IDS: variants seen among roughly 807,000 people sequenced by gnomAD.
IDS encodes the protein alpha-L-iduronate sulfate sulfatase.
IDS carries 1 observed loss-of-function variant against 33.5 expected under a neutral mutation model. That is an observed-to-expected ratio of 0.03 (90% CI 0.01 to 0.14). The LOEUF is 0.14. IDS is among the 10% of genes least tolerant of loss of function. IDS has a pLI of 1.00. For missense variants in IDS, 328 were observed against 448.0 expected (o/e 0.73, Z 2.42); for synonymous variants, 191 against 184.4 (o/e 1.04, Z -0.29).
At chrX:149,492,432 C>T (rs782600810) in intron 6 of IDS, among the ~76,000 whole-genome samples, 12 of 111,200 alleles carry the variant, frequency 1.1e-4, no homozygotes, top group South Asian at 3.8e-4. Flanking sequence ...CTGCAGGGCA[C>T]GGAACAGTGT....
At chrX:149,490,974 G>A (rs782428508) in intron 6 of IDS, among the ~76,000 whole-genome samples, 6 of 111,858 alleles carry the variant, frequency 5.4e-5, no homozygotes, top group Non-Finnish European at 9.4e-5. Flanking sequence ...TATTGGATTA[G>A]GAGCCCACCT....
intron 3 of IDS, among the ~76,000 whole-genome samples, chrX:149,501,388 G>A (rs1473701552): frequency 1.8e-5 from 2 of 111,881 alleles, no homozygotes; most frequent in Admixed American, 9.5e-5. Flanking sequence ...GGCAGGAGAG[G>A]GAGGCTCAGG....
In IDS at chrX:149,483,097, T is replaced by A; in HGVS notation, c.1302A>T (p.Glu434Asp). 1.7e-6 allele frequency: 2 copies of A among 1,207,116 alleles called. No homozygotes were observed. The highest frequency in any genetic ancestry group is 2.2e-6 in the Non-Finnish European group (2 of 892,282). Residue 434 changes from glutamate to aspartate, a missense_variant, in exon 9 of 9, where the codon GAA (glutamate) becomes GAT (aspartate). Coordinates refer to ENST00000340855, the MANE Select transcript of IDS (RefSeq NM_000202.8). ...VPSFHVELCR[E>D]GKNLLKHFRF... ...GAAAATGCTTCAGAAGGTTCTTGCC[T>A]TCTCTGCACAGCTCAACGTGAAATG...
chrX:149,486,122 G>T (rs1441996110), intron 8 of IDS, among the ~76,000 whole-genome samples: 4 of 111,660 alleles, frequency 3.6e-5, no homozygotes, highest in African/African-American at 1.3e-4. Context: ...AAATGCACTG[G>T]GCAGATCAAG....
In IDS at chrX:149,505,293, G is replaced by A. The variant is rs782611412; in HGVS notation, c.-156C>T. On this transcript the variant is annotated 5_prime_UTR_variant, in exon 1 of 9. Transcript: ENST00000340855. Reference sequence around the variant, plus strand: ...CCCGGGCCCGCAGGCCCGGGCGCTGGCCGCAGCGCGAGTGCGTCCGTGCGA... The same window carrying A: ...CCCGGGCCCGCAGGCCCGGGCGCTGACCGCAGCGCGAGTGCGTCCGTGCGA... 1 of 314,267 alleles carries A rather than the reference G, an allele frequency of 3.2e-6. No individual in the cohort carries two copies. 25.9% of individuals were successfully genotyped at this position (314,267 alleles called of 1,213,427 possible).
chrX:149,486,578 G>A (rs141193455), intron 8 of IDS, among the ~76,000 whole-genome samples: 8 of 112,005 alleles, frequency 7.1e-5, no homozygotes, highest in Non-Finnish European at 9.4e-5. Flanking sequence ...CGTCTGTTAC[G>A]GGGGCAGCCC....
chrX:149,496,228 A>G (rs1260626122), intron 6 of IDS, 118 bp downstream of exon 6: 2 of 732,849 alleles, frequency 2.7e-6, no homozygotes, highest in African/African-American at 4.2e-5. Flanking sequence ...GATAACTCAC[A>G]CAAAGAAAGC....
chrX:149,485,797 T>C (rs2089331109), intron 8 of IDS, among the ~76,000 whole-genome samples: 1 of 112,239 alleles, frequency 8.9e-6, no homozygotes, highest in African/African-American at 3.2e-5. Flanking sequence ...AATCATGCCT[T>C]GAAACTGTTT....
At chrX:149,491,987 T>C (rs904225082) in intron 6 of IDS, among the ~76,000 whole-genome samples, 2 of 112,405 alleles carry the variant, frequency 1.8e-5, no homozygotes, top group African/African-American at 6.5e-5. Flanking sequence ...CTGGCTTTTA[T>C]TCAGTGCAGG....
intron 4 of IDS, among the ~76,000 whole-genome samples, chrX:149,498,925 C>T (rs370744309): frequency 1.2e-4 from 14 of 112,549 alleles, no homozygotes; most frequent in African/African-American, 4.2e-4. Context: ...AAATTAAAAA[C>T]ATATGCCCAT....
intron 3 of IDS, 94 bp downstream of exon 3, chrX:149,503,218 G>C (rs1557340202): frequency 6.0e-6 from 7 of 1,170,376 alleles, no homozygotes; most frequent in Non-Finnish European, 8.0e-6. Context: ...AGCCAGAAGA[G>C]GGCTCTGCAA....
At chrX:149,500,606 C>A (rs1252282359) in intron 4 of IDS, among the ~76,000 whole-genome samples, 1 of 112,030 alleles carries the variant, frequency 8.9e-6, no homozygotes, top group African/African-American at 3.3e-5. Context: ...TGGGCTGAGG[C>A]TCCTGGAGCT....
chrX:149,500,045 G>A (rs1046871502), intron 4 of IDS, among the ~76,000 whole-genome samples: 54 of 111,523 alleles, frequency 4.8e-4, no homozygotes, highest in African/African-American at 1.7e-3. Context: ...CCCAGCACCC[G>A]CCTCAGACCA....
chrX:149,504,509 C>T (rs2089507806), intron 1 of IDS, among the ~76,000 whole-genome samples: 1 of 110,798 alleles, frequency 9.0e-6, no homozygotes, highest in Non-Finnish European at 1.9e-5. Flanking sequence ...TGGCCTCCAA[C>T]CTGGGTGAGG....
chrX:149,504,399 T>A, intron 1 of IDS, 106 bp from the exon 2 acceptor site: 1 of 871,722 alleles, frequency 1.1e-6, no homozygotes, highest in Non-Finnish European at 1.6e-6. Context: ...ACCCTGCACC[T>A]TAACAGCCTA....
chrX:149,489,944 G>A (rs958935598), intron 7 of IDS, among the ~76,000 whole-genome samples: 7 of 110,556 alleles, frequency 6.3e-5, no homozygotes, highest in Admixed American at 1.9e-4. Context: ...AGAGCTTGCT[G>A]GGCTCTGCCA....
At chrX:149,491,528 T>G in intron 6 of IDS, 4 of 960,581 alleles carry the variant, frequency 4.2e-6, no homozygotes, top group Non-Finnish European at 5.3e-6. Context: ...AGGACAATCA[T>G]GAGACTCACC....
chrX:149,488,843 CAGG>C (rs1252330601), intron 7 of IDS, among the ~76,000 whole-genome samples: 1 of 111,366 alleles, frequency 9.0e-6, no homozygotes, highest in African/African-American at 3.3e-5. Flanking sequence ...ACAGGCAGCT[CAGG>C]AGGTTTCTGG....
chrX:149,482,303 A>G lies in IDS; in HGVS notation c.*443T>C, dbSNP rs964151949. The G allele has an allele frequency of 1.0e-4, 13 of 128,703 alleles. No individual in the cohort carries two copies. Among genetic ancestry groups the G allele is most frequent in the Admixed American group, 5.7e-4 (7 of 12,281 alleles). 10.6% of individuals were successfully genotyped at this position (128,703 alleles called of 1,213,427 possible). A position where few individuals can be genotyped will look rare whatever the true frequency, so the allele number is the denominator to read the frequency against. On this transcript the variant is annotated 3_prime_UTR_variant, in exon 9 of 9. Coordinates refer to ENST00000340855, the MANE Select transcript of IDS (RefSeq NM_000202.8). ...TCATAAGATATATTATTAAATTATA[A>G]ACAAAATAATCAGGAACTTAGTGTG...
Sources: gnomAD v4.1 joint callset for allele counts (sites outside exome capture counted in the v4.1 genomes callset) on GRCh38, gnomAD v4.1.1 for gene constraint, MANE v1.5 for transcripts, NCBI Gene and HGNC (gene_info 2026-07-23, HGNC 2026-07-21) for gene names.